SHC4: variants seen among roughly 807,000 people sequenced by gnomAD.
SHC4 encodes the protein SHC-transforming protein 4.
Under a neutral mutation model 69.4 loss-of-function variants are expected in SHC4, and 41 were observed. That is an observed-to-expected ratio of 0.59 (90% CI 0.46 to 0.77). The LOEUF is 0.77. Among genes scored for constraint, SHC4 ranks in the 30% least tolerant of loss-of-function variants. The pLI, the probability that SHC4 is intolerant of heterozygous loss-of-function variation, is 0.00. For missense variants in SHC4, 777 were observed against 783.8 expected (o/e 0.99, Z 0.10); for synonymous variants, 318 against 299.3 (o/e 1.06, Z -0.64).
At chr15:48,934,854 T>A (rs73402265) in intron 1 of SHC4, among the ~76,000 whole-genome samples, 1 of 152,184 alleles carries the variant, frequency 6.6e-6, no homozygotes, top group African/African-American at 2.4e-5. Flanking sequence ...CATAAAAGAC[T>A]GATTTTATTT....
chr15:48,831,841 T>C (rs1898808739), intron 11 of SHC4, among the ~76,000 whole-genome samples: 1 of 152,386 alleles, frequency 6.6e-6, no homozygotes, highest in African/African-American at 2.4e-5. Flanking sequence ...TACTTTCATA[T>C]GCTTTCATGT....
At position 48,858,298 on chromosome 15, in the gene SHC4, T is replaced by G. The variant is rs191357450; in HGVS notation, c.947-483A>C. On this transcript the variant is annotated intron_variant, in intron 6 of 11. Transcript: ENST00000332408. Reference sequence around the variant, plus strand: ...TGAGCTGTTGGTAAAGATAGGGGCTTTGGAATACGCCCCCCGCCCCGCTGC... The same window carrying G: ...TGAGCTGTTGGTAAAGATAGGGGCTGTGGAATACGCCCCCCGCCCCGCTGC... Among the ~76,000 whole-genome samples, 3 of 152,260 alleles carry G rather than the reference T, an allele frequency of 2.0e-5. No individual in the cohort carries two copies. In the East Asian group the frequency reaches 5.8e-4, roughly 29 times the overall value.
In SHC4 at chr15:48,949,878, T is replaced by C. The variant is rs1901337679; in HGVS notation, c.585+12553A>G. Among the ~76,000 whole-genome samples the C allele has an allele frequency of 2.1e-5, 3 of 145,344 alleles. No homozygotes were observed. The South Asian group carries it at 6.3e-4, about 31-fold the overall frequency. On this transcript the variant is annotated intron_variant, in intron 1 of 11. Transcript: ENST00000332408. ...TATAATTAGTATATTAATAATTTTA[T>C]AATGTATGTATACAAGTTATAAATT...
At chr15:48,938,706 A>C (rs1426451165) in intron 1 of SHC4, among the ~76,000 whole-genome samples, 1 of 151,004 alleles carries the variant, frequency 6.6e-6, no homozygotes, top group Non-Finnish European at 1.5e-5. Flanking sequence ...CAGATGCCCC[A>C]GCCAATGTGC....
chr15:48,885,223 G>A (rs1427660575), intron 3 of SHC4, among the ~76,000 whole-genome samples: 2 of 152,170 alleles, frequency 1.3e-5, no homozygotes, highest in Non-Finnish European at 2.9e-5. Flanking sequence ...CAACAGGGGG[G>A]CGAGAGGCTG....
At chr15:48,876,543 C>A (rs999639824) in intron 4 of SHC4, 5 of 658,834 alleles carry the variant, frequency 7.6e-6, no homozygotes, top group Non-Finnish European at 1.4e-5. Flanking sequence ...TAAGTATTAA[C>A]TCACATGATC....
Position 48,949,563 on chromosome 15 carries a change from C to T in SHC4, c.585+12868G>A, listed in dbSNP as rs150371084. Among the ~76,000 whole-genome samples the T allele has an allele frequency of 7.2e-5, 11 of 152,058 alleles. 2 individuals carry two copies. Among genetic ancestry groups the T allele is most frequent in the Admixed American group, 6.6e-4 (10 of 15,266 alleles). On this transcript the variant is annotated intron_variant, in intron 1 of 11. Coordinates refer to ENST00000332408, the MANE Select transcript of SHC4 (RefSeq NM_203349.4). ...CACCTCAAGGCACTTTGTTTGGCAG[C>T]GCAAATCCTCATGCCTCTGCTCAGA... is the stretch of plus-strand genomic sequence containing the variant.
intron 1 of SHC4, among the ~76,000 whole-genome samples, chr15:48,945,084 T>C (rs185392942): frequency 8.9e-4 from 136 of 152,314 alleles, no homozygotes; most frequent in African/African-American, 3.2e-3. Flanking sequence ...TCGATAACAG[T>C]GGTAACAGGT....
chr15:48,959,174 C>A (rs1256152443), intron 1 of SHC4, among the ~76,000 whole-genome samples: 1 of 152,166 alleles, frequency 6.6e-6, no homozygotes, highest in Non-Finnish European at 1.5e-5. Context: ...TAAAGAGTAG[C>A]TATAACAATC....
intron 2 of SHC4, among the ~76,000 whole-genome samples, chr15:48,899,620 A>G (rs1900284038): frequency 1.3e-5 from 2 of 151,914 alleles, no homozygotes; most frequent in South Asian, 4.2e-4. Context: ...TTTAAAGGCT[A>G]TTTGGCAAAT....
chr15:48,962,857 C>T lies in SHC4; in HGVS notation c.159G>A (p.Lys53=), dbSNP rs199837915. The part of the protein sequence containing the change: ...EGSSGGSVGN[K]GSPQPPHPAL... ...CGGGGTGGGGAGGCTGCGGCGAGCCCTTGTTCCCGACCGAGCCTCCGGAGC... is the reference window on the plus strand; with the variant it reads ...CGGGGTGGGGAGGCTGCGGCGAGCCTTTGTTCCCGACCGAGCCTCCGGAGC... The change falls in exon 1 of 12, where the codon AAG becomes AAA. Residue 53 remains lysine, a synonymous_variant. Coordinates refer to ENST00000332408, the MANE Select transcript of SHC4 (RefSeq NM_203349.4). The T allele has an allele frequency of 6.2e-7, 1 of 1,613,188 alleles. No individual in the cohort carries two copies. Among genetic ancestry groups the T allele is most frequent in the Non-Finnish European group, 8.5e-7 (1 of 1,180,024 alleles).
At chr15:48,826,682 T>C (rs1015923630) in intron 11 of SHC4, among the ~76,000 whole-genome samples, 4 of 152,224 alleles carry the variant, frequency 2.6e-5, no homozygotes, top group Non-Finnish European at 4.4e-5. Flanking sequence ...ATATTCTATG[T>C]CACTATCTCT....
intron 6 of SHC4, among the ~76,000 whole-genome samples, chr15:48,865,485 G>T (rs1387456906): frequency 6.6e-6 from 1 of 152,190 alleles, no homozygotes; most frequent in Admixed American, 6.5e-5. Context: ...AAAGAAAGAT[G>T]TAATAAGGGA....
chr15:48,917,785 T>C (rs1900655611), intron 2 of SHC4, among the ~76,000 whole-genome samples: 1 of 5,870 alleles, frequency 1.7e-4, no homozygotes, highest in African/African-American at 1.8e-4. Flanking sequence ...TATTTTCCTC[T>C]GCTCTATCTG....
At chr15:48,931,179 C>CCTT (rs1395127935) in intron 1 of SHC4, among the ~76,000 whole-genome samples, 2 of 152,154 alleles carry the variant, frequency 1.3e-5, no homozygotes, top group Non-Finnish European at 2.9e-5. Flanking sequence ...AACAATGGTT[C>CCTT]CTTCTCTCCC....
At chr15:48,918,618 G>A (rs1351088709) in intron 2 of SHC4, among the ~76,000 whole-genome samples, 1 of 151,764 alleles carries the variant, frequency 6.6e-6, no homozygotes, top group African/African-American at 2.4e-5. Context: ...TTAGCTCATA[G>A]TCCTATTTAG....
intron 5 of SHC4, among the ~76,000 whole-genome samples, chr15:48,870,350 A>C (rs1028268250): frequency 6.6e-6 from 1 of 152,226 alleles, no homozygotes; most frequent in African/African-American, 2.4e-5. Flanking sequence ...GCTAAGCACC[A>C]GACACCTTGT....
At position 48,854,074 on chromosome 15, in the gene SHC4, G is replaced by A. The variant is rs994699283; in HGVS notation, c.1242+1879C>T. 5.9e-5 allele frequency among the ~76,000 whole-genome samples: 9 copies of A among 152,098 alleles called. No homozygotes were observed. The East Asian group carries it at 1.2e-3, about 20-fold the overall frequency. The stretch of plus-strand genomic sequence containing the variant: ...GGGAGAAAATATTCACAATCACTAC[G>A]CATCCAAAAAGGTCTAATATGTAGA... On this transcript the variant is annotated intron_variant, in intron 8 of 11. Transcript: ENST00000332408.
intron 2 of SHC4, among the ~76,000 whole-genome samples, chr15:48,922,202 C>T (rs1900764328): frequency 6.6e-6 from 1 of 152,090 alleles, no homozygotes; most frequent in Admixed American, 6.5e-5. Flanking sequence ...AGTCTGTTTC[C>T]CCAGCAACAG....
Sources: allele counts gnomAD v4.1 joint callset (sites outside exome capture counted in the v4.1 genomes callset), GRCh38; gene constraint gnomAD v4.1.1; transcripts MANE v1.5; gene names NCBI Gene and HGNC (gene_info 2026-07-23, HGNC 2026-07-21).